The following TBC1D5 variants were observed in gnomAD, a reference collection of about 807,000 sequenced individuals.
TBC1D5 encodes TBC1 domain family member 5, also known as TBC1 domain family, member 5.
A neutral mutation model predicts 100.3 loss-of-function variants in TBC1D5; 75 were observed. That is an observed-to-expected ratio of 0.75 (90% CI 0.62 to 0.91). The LOEUF is 0.91. Among genes scored for constraint, TBC1D5 ranks in the 40% least tolerant of loss-of-function variants. The probability of loss-of-function intolerance (pLI) is 0.00; values close to 1 mark genes in which losing one functional copy is unlikely to be tolerated. For missense variants in TBC1D5, 910 were observed against 942.4 expected (o/e 0.97, Z 0.45); for synonymous variants, 323 against 325.6 (o/e 0.99, Z 0.09).
chr3:17,561,847 G>A (rs1412331692), intron 2 of TBC1D5, among the ~76,000 whole-genome samples: 7 of 152,060 alleles, frequency 4.6e-5, no homozygotes, highest in Non-Finnish European at 7.4e-5. Flanking sequence ...AAAACATCAC[G>A]AACAAGAAGT....
chr3:17,710,156 GA>G lies in TBC1D5; in HGVS notation c.-101+29186del, dbSNP rs796591920. Among the ~76,000 whole-genome samples, 9 of 151,740 alleles carry G rather than the reference GA, an allele frequency of 5.9e-5. 1 individual carries two copies. The South Asian group carries it at 6.2e-4, about 10-fold the overall frequency. ...TATCAGTAAAAATGAACTAAGGGGA[GA>G]AAAAAAATACAGATAGCAAAGTCAG... On this transcript the variant is annotated intron_variant, in intron 1 of 21. Transcript: ENST00000253692.
intron 2 of TBC1D5, among the ~76,000 whole-genome samples, chr3:17,525,141 T>G (rs895804048): frequency 2.0e-5 from 3 of 152,184 alleles, no homozygotes; most frequent in Non-Finnish European, 4.4e-5. Flanking sequence ...TGAGGATTTT[T>G]TTTTTGAGAC....
intron 17 of TBC1D5, 52 bp downstream of exon 18, chr3:17,233,633 A>G: frequency 9.0e-7 from 1 of 1,108,690 alleles, no homozygotes; most frequent in Non-Finnish European, 1.3e-6. Context: ...GTAGGCAATG[A>G]TAATACTGTA....
At chr3:17,641,625 A>C (rs1352761951) in intron 1 of TBC1D5, among the ~76,000 whole-genome samples, 1 of 152,058 alleles carries the variant, frequency 6.6e-6, no homozygotes, top group Non-Finnish European at 1.5e-5. Flanking sequence ...TACTGCTACT[A>C]ATCTTCTACA....
intron 5 of TBC1D5, among the ~76,000 whole-genome samples, chr3:17,405,798 T>C (rs952548602): frequency 4.6e-5 from 7 of 152,088 alleles, no homozygotes; most frequent in Non-Finnish European, 8.8e-5. Context: ...TAAAAACTTA[T>C]GATAGAATTC....
At chr3:17,291,005 A>G (rs973859286) in intron 15 of TBC1D5, among the ~76,000 whole-genome samples, 1 of 152,228 alleles carries the variant, frequency 6.6e-6, no homozygotes, top group Non-Finnish European at 1.5e-5. Flanking sequence ...AATTTACATT[A>G]AACTTGGAGG....
chr3:17,676,761 G>A (rs2068695756), intron 1 of TBC1D5, among the ~76,000 whole-genome samples: 4 of 152,158 alleles, frequency 2.6e-5, no homozygotes, highest in East Asian at 1.9e-4. Context: ...ATACTACAAG[G>A]CTACAATAAC....
At chr3:17,186,034 GTTT>G (rs1352828832) in intron 18 of TBC1D5, among the ~76,000 whole-genome samples, 1 of 134,754 alleles carries the variant, frequency 7.4e-6, no homozygotes, top group African/African-American at 2.7e-5. Context: ...GATTATCGGA[GTTT>G]TTTTTTTTTT....
intron 2 of TBC1D5, among the ~76,000 whole-genome samples, chr3:17,591,247 AAAAAAAAAAAAAAAAAAAAC>A (rs1383429889): frequency 5.4e-4 from 72 of 132,770 alleles, no homozygotes; most frequent in South Asian, 5.3e-3. Context: ...AAAAAAAAAA[AAAAAAAAAAAAAAAAAAAAC>A]AAAAACCCCA....
At chr3:17,338,759 T>G (rs533023972) in intron 13 of TBC1D5, among the ~76,000 whole-genome samples, 10 of 152,244 alleles carry the variant, frequency 6.6e-5, no homozygotes, top group Non-Finnish European at 1.5e-4. Flanking sequence ...TGCACATACT[T>G]ACGTCTTGTA....
chr3:17,211,651 C>T (rs577106258), intron 18 of TBC1D5, among the ~76,000 whole-genome samples: 8 of 152,286 alleles, frequency 5.3e-5, no homozygotes, highest in African/African-American at 1.7e-4. Flanking sequence ...TTGCCTACCA[C>T]TGACTTAAGG....
intron 3 of TBC1D5, among the ~76,000 whole-genome samples, chr3:17,442,885 G>C (rs1412187215): frequency 2.6e-5 from 4 of 151,980 alleles, no homozygotes; most frequent in South Asian, 2.1e-4. Context: ...AGAGGAGAGG[G>C]AGAAGAAGCG....
chr3:17,633,506 G>A (rs957612786), intron 1 of TBC1D5, among the ~76,000 whole-genome samples: 4 of 151,962 alleles, frequency 2.6e-5, no homozygotes, highest in African/African-American at 9.7e-5. Context: ...ACAGGTAAAT[G>A]TTCTACTTAG....
chr3:17,705,989 T>TA, intron 1 of TBC1D5: 1 of 1,466,438 alleles, frequency 6.8e-7, no homozygotes, highest in African/African-American at 1.4e-5. Flanking sequence ...TACTCTTTTT[T>TA]TTTTTTGAGA....
At chr3:17,312,809 G>A (rs977502034) in intron 13 of TBC1D5, among the ~76,000 whole-genome samples, 1 of 152,158 alleles carries the variant, frequency 6.6e-6, no homozygotes, top group Non-Finnish European at 1.5e-5. Context: ...TGCAAAAATA[G>A]TCTGAATGGA....
chr3:17,627,122 G>A (rs776374690), intron 1 of TBC1D5, among the ~76,000 whole-genome samples: 2 of 152,150 alleles, frequency 1.3e-5, no homozygotes, highest in South Asian at 4.1e-4. Context: ...GAACTGGCAG[G>A]AGCAAAAACT....
rs187712817 is a variant in TBC1D5 at position 17,361,558 on chromosome 3, T to G, written c.995+10517A>C. On this transcript the variant is annotated intron_variant, in intron 13 of 21. Coordinates refer to ENST00000253692, the Ensembl canonical transcript of TBC1D5. ...TTAAAAATCATACAAAATCATGTTT[T>G]TAGATCATAATGGAATTTAATAAAT... Among the ~76,000 whole-genome samples, 170 of 152,166 alleles carry G rather than the reference T, an allele frequency of 1.1e-3. 2 individuals are homozygous for G. In the Middle Eastern group the frequency reaches 0.027, roughly 24 times the overall value.
intron 1 of TBC1D5, among the ~76,000 whole-genome samples, chr3:17,630,388 C>A (rs1244533447): frequency 6.6e-6 from 1 of 152,062 alleles, no homozygotes; most frequent in Non-Finnish European, 1.5e-5. Context: ...GTCACATTAC[C>A]ATAATTCTCA....
At chr3:17,662,242 T>C (rs1287144799) in intron 1 of TBC1D5, among the ~76,000 whole-genome samples, 2 of 152,190 alleles carry the variant, frequency 1.3e-5, no homozygotes, top group African/African-American at 4.8e-5. Flanking sequence ...TACCTGGAAT[T>C]ATCTCTTTCA....
Sources: gnomAD v4.1 joint callset for allele counts (sites outside exome capture counted in the v4.1 genomes callset) on GRCh38, gnomAD v4.1.1 for gene constraint, MANE v1.5 for transcripts, NCBI Gene and HGNC (gene_info 2026-07-23, HGNC 2026-07-21) for gene names.